The following DNM3 variants were observed in gnomAD, a reference collection of about 807,000 sequenced individuals.
DNM3 encodes dynamin 3, also known as dynamin-3.
DNM3 carries 47 observed loss-of-function variants against 101.6 expected under a neutral mutation model. The observed-to-expected ratio is 0.46, with a 90% CI of 0.37 to 0.59. The LOEUF (loss-of-function observed/expected upper bound fraction) is 0.59. Ranked by LOEUF, DNM3 falls within the 20% of genes least tolerant of loss-of-function variation. The pLI, the probability that DNM3 is intolerant of heterozygous loss-of-function variation, is 0.00. For missense variants in DNM3, 849 were observed against 1,085.7 expected, an observed-to-expected ratio of 0.78 and a Z score of 3.06; for synonymous variants, 385 against 387.9, an observed-to-expected ratio of 0.99 and a Z score of 0.09.
intron 14 of DNM3, among the ~76,000 whole-genome samples, chr1:172,210,864 C>T (rs1053088589): frequency 1.4e-4 from 21 of 151,906 alleles, no homozygotes; most frequent in African/African-American, 4.6e-4. Flanking sequence ...TCATTCCTAG[C>T]GATAGCAAAA....
intron 4 of DNM3, among the ~76,000 whole-genome samples, chr1:172,013,223 G>A (rs530606092): frequency 6.6e-6 from 1 of 152,088 alleles, no homozygotes; most frequent in Non-Finnish European, 1.5e-5. Context: ...TTCTTAATTA[G>A]ATGAAATGAC....
chr1:172,193,668 C>G (rs191411984), intron 14 of DNM3, among the ~76,000 whole-genome samples: 29 of 152,268 alleles, frequency 1.9e-4, no homozygotes, highest in Non-Finnish European at 3.8e-4. Context: ...ATGGTATTAT[C>G]TGATGGTAGT....
chr1:172,323,458 G>A (rs565475210), intron 17 of DNM3, 118 bp downstream of exon 17: 43 of 1,244,958 alleles, frequency 3.5e-5, no homozygotes, highest in East Asian at 5.1e-5. Flanking sequence ...TACAGTGCAC[G>A]AATTATATGG....
chr1:172,194,906 G>A (rs972719306), intron 14 of DNM3, among the ~76,000 whole-genome samples: 13 of 152,022 alleles, frequency 8.6e-5, no homozygotes, highest in Non-Finnish European at 1.6e-4. Context: ...CTGTCATTAT[G>A]ATGTTATCTG....
chr1:172,236,627 G>A (rs968573016), intron 14 of DNM3, among the ~76,000 whole-genome samples: 2 of 151,992 alleles, frequency 1.3e-5, no homozygotes, highest in Admixed American at 6.6e-5. Context: ...AAAAGGAGGG[G>A]AAGAAGAAGG....
At chr1:172,188,151 G>A (rs2059586623) in intron 14 of DNM3, among the ~76,000 whole-genome samples, 1 of 151,988 alleles carries the variant, frequency 6.6e-6, no homozygotes, top group African/African-American at 2.4e-5. Context: ...TTTATTTTGT[G>A]TATTTATACA....
Position 171,949,931 on chromosome 1 carries a change from T to G in DNM3, c.235+28110T>G, listed in dbSNP as rs114186506. Among the ~76,000 whole-genome samples, 977 of 152,212 alleles carry G rather than the reference T, an allele frequency of 6.4e-3. 16 individuals carry two copies. Among genetic ancestry groups the G allele is most frequent in the African/African-American group, 0.021 (888 of 41,538 alleles). ...AGCCAATCCACTCCAAGGTACAGTA[T>G]TTACCCAAGAGAAATGGATGCATTT... On this transcript the variant is annotated intron_variant, in intron 2 of 20. Transcript: ENST00000627582.
intron 14 of DNM3, among the ~76,000 whole-genome samples, chr1:172,159,826 ATGCATCCTTAGG>A (rs1246797284): frequency 6.6e-6 from 1 of 152,086 alleles, no homozygotes; most frequent in Non-Finnish European, 1.5e-5. Context: ...ATTTAGAGAA[ATGCATCCTTAGG>A]TGATTTCATC....
At chr1:172,313,431 TAACA>T (rs1429017236) in intron 16 of DNM3, among the ~76,000 whole-genome samples, 2 of 152,236 alleles carry the variant, frequency 1.3e-5, no homozygotes, top group African/African-American at 2.4e-5. Context: ...GAACATGATA[TAACA>T]AACAACTGAC....
chr1:172,237,882 C>T (rs1453898675), intron 14 of DNM3, among the ~76,000 whole-genome samples: 2 of 152,156 alleles, frequency 1.3e-5, no homozygotes, highest in African/African-American at 2.4e-5. Flanking sequence ...TGTGTTCAGG[C>T]ATGGGTTCTT....
At chr1:172,117,042 C>G (rs1324064413) in intron 13 of DNM3, among the ~76,000 whole-genome samples, 1 of 151,912 alleles carries the variant, frequency 6.6e-6, no homozygotes, top group African/African-American at 2.4e-5. Flanking sequence ...CCTGTCTCTA[C>G]TAAAAATACA....
At chr1:172,113,032 C>T (rs2055596546) in intron 13 of DNM3, among the ~76,000 whole-genome samples, 1 of 152,074 alleles carries the variant, frequency 6.6e-6, no homozygotes, top group Non-Finnish European at 1.5e-5. Context: ...TAAAGTAGTC[C>T]TCAGGGTTAT....
chr1:172,281,647 A>G (rs550938809), intron 15 of DNM3, among the ~76,000 whole-genome samples: 2 of 152,312 alleles, frequency 1.3e-5, no homozygotes, highest in East Asian at 3.9e-4. Context: ...TTTAAAATAT[A>G]CCAATGAACT....
At chr1:171,935,797 G>C (rs78342539) in intron 2 of DNM3, among the ~76,000 whole-genome samples, 1 of 21,364 alleles carries the variant, frequency 4.7e-5, no homozygotes, top group Non-Finnish European at 8.1e-5. Context: ...TTTTTTTTTT[G>C]CCTCTAGGGA....
intron 14 of DNM3, among the ~76,000 whole-genome samples, chr1:172,212,664 G>A (rs2060553401): frequency 6.6e-6 from 1 of 152,094 alleles, no homozygotes; most frequent in South Asian, 2.1e-4. Context: ...CTAAAAACAA[G>A]GCAAATAAGT....
At chr1:172,381,034 T>C (rs1452391818) in intron 18 of DNM3, 3 of 146,264 alleles carry the variant, frequency 2.1e-5, no homozygotes, top group Non-Finnish European at 4.5e-5. Context: ...ACTTTCACCT[T>C]CTCAAGAAAA....
At position 172,051,037 on chromosome 1, in the gene DNM3, C is replaced by T. The variant is rs774869097; in HGVS notation, c.1335+2287C>T. Among the ~76,000 whole-genome samples, 25 of 152,164 alleles carry T rather than the reference C, an allele frequency of 1.6e-4. 1 individual carries two copies. Among genetic ancestry groups the T allele is most frequent in the Non-Finnish European group, 3.1e-4 (21 of 68,008 alleles). ...ATGCTCCTTGGATTGGTCTTCTATACATTTTTACTATCTTCTCAAAACATT... is the reference window on the plus strand; with the variant it reads ...ATGCTCCTTGGATTGGTCTTCTATATATTTTTACTATCTTCTCAAAACATT... On this transcript the variant is annotated intron_variant, in intron 10 of 20. Transcript: ENST00000627582.
At chr1:172,232,935 A>G (rs2061393849) in intron 14 of DNM3, among the ~76,000 whole-genome samples, 1 of 152,210 alleles carries the variant, frequency 6.6e-6, no homozygotes, top group African/African-American at 2.4e-5. Flanking sequence ...AAGAGAAAGC[A>G]GGAAAGATCT....
intron 20 of DNM3, among the ~76,000 whole-genome samples, chr1:172,403,118 A>G (rs1401585322): frequency 6.6e-6 from 1 of 152,174 alleles, no homozygotes; most frequent in Non-Finnish European, 1.5e-5. Context: ...CTAACTGCCC[A>G]ATAGAAAAAA....
Sources: allele counts gnomAD v4.1 joint callset (sites outside exome capture counted in the v4.1 genomes callset), GRCh38; gene constraint gnomAD v4.1.1; transcripts MANE v1.5; gene names NCBI Gene and HGNC (gene_info 2026-07-23, HGNC 2026-07-21).